The following XKR9 variants were observed in gnomAD, a reference collection of about 807,000 sequenced individuals.
XKR9 encodes the protein XK related 9.
XKR9 carries 32 observed loss-of-function variants against 32.0 expected under a neutral mutation model. That is an observed-to-expected ratio of 1.00 (90% CI 0.76 to 1.34). The LOEUF (loss-of-function observed/expected upper bound fraction) is 1.34. Ranked by LOEUF, XKR9 falls within the 40% of genes most tolerant of loss-of-function variation. XKR9 has a pLI of 0.00. For missense variants in XKR9, 546 were observed against 429.7 expected, an observed-to-expected ratio of 1.27 and a Z score of -2.39; for synonymous variants, 168 against 143.4, an observed-to-expected ratio of 1.17 and a Z score of -1.22.
At chr8:70,759,065 C>T (rs905304130) in intron 2 of XKR9, among the ~76,000 whole-genome samples, 1 of 152,188 alleles carries the variant, frequency 6.6e-6, no homozygotes, top group Non-Finnish European at 1.5e-5. Context: ...CCTTGTTCCC[C>T]TTCTTTTTCA....
intron 4 of XKR9, among the ~76,000 whole-genome samples, chr8:70,715,903 A>G (rs1806071527): frequency 6.6e-6 from 1 of 152,108 alleles, no homozygotes; most frequent in African/African-American, 2.4e-5. Context: ...TGAGATATAT[A>G]AGGTCTCAAA....
At chr8:70,694,929 T>C (rs990782485) in intron 3 of XKR9, among the ~76,000 whole-genome samples, 1 of 152,174 alleles carries the variant, frequency 6.6e-6, no homozygotes, top group African/African-American at 2.4e-5. Context: ...CTGCTGAGAC[T>C]CTACATAGCT....
chr8:70,744,374 G>A (rs1405199109), intron 2 of XKR9, among the ~76,000 whole-genome samples: 2 of 151,946 alleles, frequency 1.3e-5, no homozygotes, highest in African/African-American at 2.4e-5. Flanking sequence ...TTAACATTTA[G>A]TTCTCTCTCA....
chr8:70,962,338 T>C, the XKR9 span, among the ~76,000 whole-genome samples: 1 of 152,134 alleles, frequency 6.6e-6, no homozygotes, highest in Non-Finnish European at 1.5e-5. Context: ...ACCCAATAGT[T>C]TTTCAAACCT....
chr8:70,812,077 A>G, the XKR9 span, among the ~76,000 whole-genome samples: 11 of 152,170 alleles, frequency 7.2e-5, no homozygotes, highest in African/African-American at 4.8e-5. Context: ...GCAGCACATC[A>G]AAAAGCTTAT....
the XKR9 span, among the ~76,000 whole-genome samples, chr8:70,975,102 T>C: frequency 2.6e-5 from 4 of 152,206 alleles, no homozygotes; most frequent in African/African-American, 9.7e-5. Context: ...TTTTTTTTCT[T>C]GTAAATTTGT....
the XKR9 span, among the ~76,000 whole-genome samples, chr8:70,857,700 G>T: frequency 6.6e-6 from 1 of 152,072 alleles, no homozygotes; most frequent in Non-Finnish European, 1.5e-5. Flanking sequence ...GATGAACACC[G>T]ATGTAAAAAT....
intron 4 of XKR9, among the ~76,000 whole-genome samples, chr8:70,721,290 T>G (rs1449606510): frequency 6.6e-6 from 1 of 152,186 alleles, no homozygotes; most frequent in South Asian, 2.1e-4. Context: ...GTTTTTCGTT[T>G]CTCTATCTCC....
the XKR9 span, among the ~76,000 whole-genome samples, chr8:70,816,289 A>G: frequency 1.3e-5 from 2 of 152,216 alleles, no homozygotes; most frequent in East Asian, 3.8e-4. Context: ...ACTGGACAGT[A>G]GCTGGGAAGT....
At chr8:70,868,739 C>A in the XKR9 span, among the ~76,000 whole-genome samples, 59 of 152,290 alleles carry the variant, frequency 3.9e-4, no homozygotes, top group African/African-American at 1.3e-3. Context: ...ATGCAAATTT[C>A]TTCAGCTGGC....
chr8:70,841,044 ATTAT>A, the XKR9 span, among the ~76,000 whole-genome samples: 160 of 152,316 alleles, frequency 1.1e-3, 1 homozygote, highest in African/African-American at 3.8e-3. Context: ...TACTTGGAGC[ATTAT>A]TTAAACTGTG....
At chr8:70,963,369 A>T in the XKR9 span, among the ~76,000 whole-genome samples, 1 of 152,094 alleles carries the variant, frequency 6.6e-6, no homozygotes, top group Non-Finnish European at 1.5e-5. Context: ...GTCTATCATT[A>T]TTGGGCATTT....
At chr8:70,759,352 G>A (rs536452295) in intron 2 of XKR9, among the ~76,000 whole-genome samples, 1 of 152,242 alleles carries the variant, frequency 6.6e-6, no homozygotes, top group South Asian at 2.1e-4. Flanking sequence ...TAGAAAGGGG[G>A]TGGAGAGAAA....
At chr8:70,706,826 A>G (rs1805731482) in intron 3 of XKR9, 107 bp from the exon 4 acceptor site, 1 of 945,506 alleles carries the variant, frequency 1.1e-6, no homozygotes, top group Admixed American at 2.9e-5. Flanking sequence ...TTGTGGAAAA[A>G]CTGTGTACTT....
the XKR9 span, among the ~76,000 whole-genome samples, chr8:70,813,444 A>G: frequency 1.3e-5 from 2 of 152,232 alleles, no homozygotes; most frequent in African/African-American, 4.8e-5. Flanking sequence ...GACAAACATG[A>G]TGCAATTAAA....
At chr8:70,995,640 C>T in the XKR9 span, among the ~76,000 whole-genome samples, 1 of 152,096 alleles carries the variant, frequency 6.6e-6, no homozygotes, top group Non-Finnish European at 1.5e-5. Context: ...TTTGTGCCAG[C>T]CAAACTCTTT....
chr8:70,699,240 T>C (rs1805416605), intron 3 of XKR9, among the ~76,000 whole-genome samples: 1 of 152,230 alleles, frequency 6.6e-6, no homozygotes, highest in African/African-American at 2.4e-5. Flanking sequence ...GTTAGCTGTT[T>C]ATTTTGCTCA....
At chr8:71,032,866 C>A in the XKR9 span, among the ~76,000 whole-genome samples, 1,161 of 152,222 alleles carry the variant, frequency 7.6e-3, 10 homozygotes, top group Non-Finnish European at 9.6e-3. Flanking sequence ...AGGTGGATCA[C>A]CTGAGGTCAG....
chr8:70,795,993 G>A, the XKR9 span, among the ~76,000 whole-genome samples: 10 of 151,502 alleles, frequency 6.6e-5, no homozygotes, highest in Admixed American at 6.6e-4. Context: ...ACCTTTCTTT[G>A]TGGAAAGTTT....
Sources: gnomAD v4.1 joint callset for allele counts (sites outside exome capture counted in the v4.1 genomes callset) on GRCh38, gnomAD v4.1.1 for gene constraint, MANE v1.5 for transcripts, NCBI Gene and HGNC (gene_info 2026-07-23, HGNC 2026-07-21) for gene names.